Variants in RXFP1 observed in about 807,000 individuals in gnomAD.
RXFP1 encodes the protein relaxin family peptide receptor 1, also known as relaxin receptor 1.
A neutral mutation model predicts 89.8 loss-of-function variants in RXFP1; 73 were observed. That is an observed-to-expected ratio of 0.81 (90% confidence interval 0.67 to 0.99). RXFP1 has a LOEUF of 0.99. RXFP1 is among the 50% of genes least tolerant of loss of function. RXFP1 has a pLI of 0.00. For synonymous variants in RXFP1, 277 were observed against 305.5 expected, an observed-to-expected ratio of 0.91 and a Z score of 0.97; for missense variants, 793 against 895.5, an observed-to-expected ratio of 0.89 and a Z score of 1.46.
intron 1 of RXFP1, among the ~76,000 whole-genome samples, chr4:158,545,481 T>C (rs911176425): frequency 1.3e-5 from 2 of 152,212 alleles, no homozygotes; most frequent in African/African-American, 4.8e-5. Context: ...ATTTTGTCTT[T>C]TGTTGCCATT....
At chr4:158,649,107 AAAAAATTGT>A (rs1772129065) in intron 17 of RXFP1, among the ~76,000 whole-genome samples, 1 of 151,942 alleles carries the variant, frequency 6.6e-6, no homozygotes, top group South Asian at 2.1e-4. Context: ...AGCCAAAAAA[AAAAAATTGT>A]AAAAATTGTA....
At chr4:158,547,213 C>T (rs980155599) in intron 1 of RXFP1, among the ~76,000 whole-genome samples, 1 of 152,126 alleles carries the variant, frequency 6.6e-6, no homozygotes, top group African/African-American at 2.4e-5. Context: ...TCCATTTCTT[C>T]TAGATTTTCT....
In RXFP1 at chr4:158,599,325, G is replaced by T. The variant is rs1283360190; in HGVS notation, c.287-1G>T. On this transcript the variant is annotated splice_acceptor_variant, in intron 3 of 17. Transcript: ENST00000307765. LOFTEE classifies it high-confidence loss of function. ...TGCCTTACCACTTCCCCTTGATTCA[G>T]TGGTCGGTTCTGTGCCAGTGCAATG... 6.2e-7 allele frequency: 1 copy of T among 1,613,712 alleles called. No homozygotes were observed. Among genetic ancestry groups the T allele is most frequent in the South Asian group, 1.1e-5 (1 of 91,056 alleles).
At chr4:158,555,811 C>T (rs973361065) in intron 1 of RXFP1, among the ~76,000 whole-genome samples, 1 of 152,072 alleles carries the variant, frequency 6.6e-6, no homozygotes, top group African/African-American at 2.4e-5. Context: ...ACAAAGGTGC[C>T]AAGACCACAC....
At chr4:158,559,690 A>T (rs1352661278) in intron 1 of RXFP1, among the ~76,000 whole-genome samples, 1 of 152,248 alleles carries the variant, frequency 6.6e-6, no homozygotes, top group East Asian at 1.9e-4. Context: ...GAAGCACAAG[A>T]TGGTATCACG....
chr4:158,649,411 G>T (rs1279779675), intron 17 of RXFP1, among the ~76,000 whole-genome samples: 1 of 152,034 alleles, frequency 6.6e-6, no homozygotes, highest in Non-Finnish European at 1.5e-5. Flanking sequence ...AGAAGATCAT[G>T]CCAGAGTGTG....
chr4:158,610,700 C>T, intron 6 of RXFP1: 1 of 1,289,438 alleles, frequency 7.8e-7, no homozygotes, highest in South Asian at 1.2e-5. Flanking sequence ...GCATAGGGAG[C>T]AATAGTGGAT....
At chr4:158,626,953 C>T (rs1766972946) in intron 10 of RXFP1, 62 bp downstream of exon 10, 1 of 865,920 alleles carries the variant, frequency 1.2e-6, no homozygotes, top group Non-Finnish European at 1.7e-6. Flanking sequence ...AATTTAAAAA[C>T]ACCCATTTTA....
chr4:158,607,911 T>C lies in RXFP1; in HGVS notation c.465-61T>C, dbSNP rs577668300. ...CCATCATCCATCCACAGAATTCTTTTTGTCTTGCAAAAGTGAAACTCTGCT... is the reference window on the plus strand; with the variant it reads ...CCATCATCCATCCACAGAATTCTTTCTGTCTTGCAAAAGTGAAACTCTGCT... On this transcript the variant is annotated intron_variant, in intron 5 of 17. Coordinates refer to ENST00000307765, the MANE Select transcript of RXFP1 (RefSeq NM_021634.4). 35 of 1,129,556 alleles carry C rather than the reference T, an allele frequency of 3.1e-5. No individual in the cohort carries two copies. The African/African-American group carries it at 3.9e-4, about 13-fold the overall frequency. The allele number at this position is 1,129,556 out of a possible 1,614,324, so 70.0% of individuals were successfully genotyped here. A position where few individuals can be genotyped will look rare whatever the true frequency, so the allele number is the denominator to read the frequency against.
chr4:158,559,243 C>T (rs1228271308), intron 1 of RXFP1, among the ~76,000 whole-genome samples: 1 of 152,102 alleles, frequency 6.6e-6, no homozygotes, highest in Non-Finnish European at 1.5e-5. Context: ...GAGTTAGAGG[C>T]TGCAGTGAGC....
At chr4:158,574,453 T>C (rs1424236719) in intron 2 of RXFP1, among the ~76,000 whole-genome samples, 5 of 152,240 alleles carry the variant, frequency 3.3e-5, no homozygotes, top group African/African-American at 7.2e-5. Context: ...TGAATGTAAC[T>C]GAAACTTAGG....
chr4:158,648,375 A>G lies in RXFP1; in HGVS notation c.1757-124A>G, dbSNP rs1165596944. ...TTTGTGAAGAAAAAACCCACACATTATAGTCTTTGTATCTTTAGTAATAAC... is the reference window on the plus strand; with the variant it reads ...TTTGTGAAGAAAAAACCCACACATTGTAGTCTTTGTATCTTTAGTAATAAC... On this transcript the variant is annotated intron_variant, in intron 16 of 17. Transcript: ENST00000307765. The G allele has an allele frequency of 4.8e-6, 3 of 629,264 alleles. No homozygotes were observed. In the African/African-American group the frequency reaches 5.6e-5, roughly 12 times the overall value. The allele number at this position is 629,264 out of a possible 1,614,324, so 39.0% of individuals were successfully genotyped here. A position where few individuals can be genotyped will look rare whatever the true frequency, so the allele number is the denominator to read the frequency against.
intron 1 of RXFP1, among the ~76,000 whole-genome samples, chr4:158,538,197 A>G (rs988495583): frequency 6.6e-6 from 1 of 152,248 alleles, no homozygotes; most frequent in Admixed American, 6.5e-5. Flanking sequence ...ATGGCATGTC[A>G]GTAGAAGTTT....
chr4:158,608,649 G>C (rs1005616489), intron 6 of RXFP1, among the ~76,000 whole-genome samples: 6 of 152,098 alleles, frequency 3.9e-5, no homozygotes, highest in East Asian at 3.9e-4. Context: ...CCATTTAACT[G>C]TTTTTAAGTA....
chr4:158,549,687 A>C (rs999726814), intron 1 of RXFP1, among the ~76,000 whole-genome samples: 8 of 152,184 alleles, frequency 5.3e-5, no homozygotes, highest in African/African-American at 1.9e-4. Context: ...CCTCAGCTGC[A>C]GGTCTGTTGG....
chr4:158,609,880 C>T lies in RXFP1; in HGVS notation c.536+1837C>T, dbSNP rs1162409297. On this transcript the variant is annotated intron_variant, in intron 6 of 17. Transcript: ENST00000307765. ...TAATGTTCAGTGAATGTGGAGGAAG[C>T]TCTTGAAAGGCAGTACAGAACTGGA... 2.0e-5 allele frequency among the ~76,000 whole-genome samples: 3 copies of T among 152,180 alleles called. No homozygotes were observed. In the East Asian group the frequency reaches 5.8e-4, roughly 29 times the overall value.
At chr4:158,594,897 C>CA (rs780915290) in intron 3 of RXFP1, among the ~76,000 whole-genome samples, 122 of 152,014 alleles carry the variant, frequency 8.0e-4, no homozygotes, top group Middle Eastern at 6.9e-3. Flanking sequence ...ATAATTGAGG[C>CA]TTTATTTATG....
At chr4:158,578,960 T>C (rs1756796963) in intron 2 of RXFP1, among the ~76,000 whole-genome samples, 1 of 147,904 alleles carries the variant, frequency 6.8e-6, no homozygotes, top group Admixed American at 6.8e-5. Context: ...GGAAATAGGG[T>C]CTTTGCAAAT....
At chr4:158,641,356 G>A (rs1420614638) in intron 14 of RXFP1, among the ~76,000 whole-genome samples, 1 of 152,206 alleles carries the variant, frequency 6.6e-6, no homozygotes, top group Admixed American at 6.5e-5. Context: ...GCTAGGGATT[G>A]CCTCCACTGA....
Sources: allele counts gnomAD v4.1 joint callset (sites outside exome capture counted in the v4.1 genomes callset), GRCh38; gene constraint gnomAD v4.1.1; transcripts MANE v1.5; gene names NCBI Gene and HGNC (gene_info 2026-07-23, HGNC 2026-07-21).